Variants in NRG1 observed in about 807,000 individuals in gnomAD.
The protein encoded by NRG1 is neuregulin 1.
In NRG1, 18 loss-of-function variants were observed where a neutral mutation model predicts 63.8. The ratio of observed to expected loss-of-function variants is 0.28; its 90% CI spans 0.19 to 0.42. The LOEUF (loss-of-function observed/expected upper bound fraction) is 0.42. NRG1 is among the 10% of genes least tolerant of loss of function. NRG1 has a pLI of 1.00. For missense variants in NRG1, 762 were observed against 814.7 expected, an observed-to-expected ratio of 0.94 and a Z score of 0.79; for synonymous variants, 302 against 301.3, an observed-to-expected ratio of 1.00 and a Z score of -0.02.
intron 1 of NRG1, among the ~76,000 whole-genome samples, chr8:31,784,102 G>A (rs1819957328): frequency 6.6e-6 from 1 of 152,114 alleles, no homozygotes. Context: ...GGCTCATCCT[G>A]CTAATGACTG....
chr8:31,732,438 G>A (rs893343145), intron 1 of NRG1, among the ~76,000 whole-genome samples: 3 of 152,140 alleles, frequency 2.0e-5, no homozygotes, highest in East Asian at 1.9e-4. Flanking sequence ...TTTTTGGAAC[G>A]TATACAAATG....
chr8:31,658,761 C>A (rs1805681166), intron 1 of NRG1, among the ~76,000 whole-genome samples: 2 of 152,160 alleles, frequency 1.3e-5, no homozygotes, highest in African/African-American at 4.8e-5. Flanking sequence ...CCACACCTGG[C>A]CACAGTAAGT....
intron 1 of NRG1, among the ~76,000 whole-genome samples, chr8:31,707,674 A>G (rs990641750): frequency 2.6e-5 from 4 of 152,130 alleles, no homozygotes; most frequent in African/African-American, 9.7e-5. Context: ...TTAAATCATC[A>G]TATAAATCTT....
Position 32,742,654 on chromosome 8 carries a change from T to C in NRG1, c.633-21T>C. 1.2e-6 allele frequency: 2 copies of C among 1,607,336 alleles called. No homozygotes were observed. The highest frequency in any genetic ancestry group is 2.2e-5 in the South Asian group (2 of 90,898). ...CTTTTTCTCTGTTTTTCTACCATTG[T>C]TTTTTTGTTTCTTCTCTCAGGTGCC... is the stretch of plus-strand genomic sequence containing the variant. On this transcript the variant is annotated intron_variant, in intron 6 of 11. Coordinates refer to ENST00000356819, the Ensembl canonical transcript of NRG1. The surrounding 1 kb of genome is among the most constrained non-coding windows in gnomAD (Gnocchi z 4.2).
chr8:32,113,495 G>A (rs1432947933), intron 1 of NRG1, among the ~76,000 whole-genome samples: 2 of 152,136 alleles, frequency 1.3e-5, no homozygotes, highest in Non-Finnish European at 2.9e-5. Flanking sequence ...CAGCCTGACA[G>A]GTGCTAGCTG....
intron 1 of NRG1, among the ~76,000 whole-genome samples, chr8:32,394,222 T>C (rs560534605): frequency 6.6e-6 from 1 of 152,328 alleles, no homozygotes; most frequent in East Asian, 1.9e-4. Flanking sequence ...TGTGTGGACT[T>C]ACACTGAAAA....
intron 1 of NRG1, among the ~76,000 whole-genome samples, chr8:32,476,860 G>A (rs1415208233): frequency 2.0e-5 from 3 of 152,176 alleles, no homozygotes; most frequent in African/African-American, 7.2e-5. Flanking sequence ...GAGCCAGCAA[G>A]ATTGATGGTT....
upstream of NRG1, among the ~76,000 whole-genome samples, chr8:32,544,898 T>C (rs191702603): frequency 1.3e-5 from 2 of 152,210 alleles, no homozygotes; most frequent in African/African-American, 4.8e-5. Flanking sequence ...TGAAGTTGAC[T>C]CTGCTGAGTG....
intron 1 of NRG1, among the ~76,000 whole-genome samples, chr8:32,437,487 A>G (rs1483928769): frequency 1.3e-5 from 2 of 152,180 alleles, no homozygotes; most frequent in African/African-American, 2.4e-5. Context: ...GCCTGGCTCT[A>G]TGATCAGCTC....
At chr8:32,264,725 A>G (rs1400974872) in intron 1 of NRG1, among the ~76,000 whole-genome samples, 1 of 152,230 alleles carries the variant, frequency 6.6e-6, no homozygotes, top group Non-Finnish European at 1.5e-5. Flanking sequence ...CTTATAATTT[A>G]GTTAGAAAAG....
chr8:32,235,010 T>G (rs1847386146), intron 1 of NRG1, among the ~76,000 whole-genome samples: 1 of 151,922 alleles, frequency 6.6e-6, no homozygotes, highest in African/African-American at 2.4e-5. Flanking sequence ...AATTGAGTAT[T>G]TTTCTCCCCG....
intron 1 of NRG1, among the ~76,000 whole-genome samples, chr8:31,775,939 G>C (rs1424096669): frequency 6.7e-6 from 1 of 149,694 alleles, no homozygotes; most frequent in Non-Finnish European, 1.5e-5. Context: ...GCGATTATTG[G>C]AATATGAAGC....
chr8:32,525,734 T>G (rs1348088117), intron 1 of NRG1, among the ~76,000 whole-genome samples: 2 of 152,140 alleles, frequency 1.3e-5, no homozygotes, highest in African/African-American at 4.8e-5. Flanking sequence ...ACCCGCCCCC[T>G]TTCCTCCTAG....
intron 1 of NRG1, among the ~76,000 whole-genome samples, chr8:32,050,596 C>T (rs1214942949): frequency 6.6e-6 from 1 of 152,138 alleles, no homozygotes; most frequent in East Asian, 1.9e-4. Flanking sequence ...TCCACACATA[C>T]CCAACCATAC....
At chr8:32,715,120 C>G (rs1425197368) in intron 5 of NRG1, among the ~76,000 whole-genome samples, 1 of 152,042 alleles carries the variant, frequency 6.6e-6, no homozygotes, top group Non-Finnish European at 1.5e-5. Flanking sequence ...CCATGCTCAG[C>G]TAATTTTTAA....
chr8:32,742,785 T>C lies in NRG1; in HGVS notation c.691+52T>C. The C allele has an allele frequency of 1.9e-6, 3 of 1,613,456 alleles. No homozygotes were observed. The highest frequency in any genetic ancestry group is 2.5e-6 in the Non-Finnish European group (3 of 1,179,488). ...CCTGAATAGGAGCATGCTCAGTTGG[T>C]GCTGCTTTCTTGTTGCTGCATCTCC... On this transcript the variant is annotated intron_variant, in intron 7 of 11. Coordinates refer to ENST00000356819, the Ensembl canonical transcript of NRG1. This position sits in a 1 kb window ranked among gnomAD's most constrained non-coding sequence, Gnocchi z 4.2.
intron 6 of NRG1, among the ~76,000 whole-genome samples, chr8:32,736,527 T>G (rs536384859): frequency 6.6e-6 from 1 of 152,384 alleles, no homozygotes; most frequent in Non-Finnish European, 1.5e-5. Flanking sequence ...AGAGATTTGT[T>G]GATATTTCTA....
chr8:32,011,235 T>C (rs1449336676), intron 1 of NRG1, among the ~76,000 whole-genome samples: 2 of 152,206 alleles, frequency 1.3e-5, no homozygotes, highest in East Asian at 3.9e-4. Flanking sequence ...TTATAGAATC[T>C]GCAGGTATTT....
chr8:32,760,284 C>T (rs2129058121), exon 11 of NRG1: 2 of 1,614,096 alleles, frequency 1.2e-6, no homozygotes, highest in Non-Finnish European at 1.7e-6. Context: ...GTAGGCACAG[C>T]AGCCCAACTG....
Sources: allele counts gnomAD v4.1 joint callset (sites outside exome capture counted in the v4.1 genomes callset), GRCh38; gene constraint gnomAD v4.1.1; non-coding constraint Gnocchi (gnomAD v3.1); transcripts MANE v1.5; gene names NCBI Gene and HGNC (gene_info 2026-07-23, HGNC 2026-07-21).